Variants in GTF2H1 observed in about 807,000 individuals in gnomAD.
GTF2H1 encodes the protein general transcription factor IIH subunit 1.
In GTF2H1, 16 loss-of-function variants were observed where a neutral mutation model predicts 71.2. The observed-to-expected ratio is 0.22, with a 90% CI of 0.15 to 0.34. The LOEUF (loss-of-function observed/expected upper bound fraction) is 0.34, where lower values mean the gene tolerates loss of function less well. GTF2H1 is among the 10% of genes least tolerant of loss of function. GTF2H1 has a pLI of 1.00. For missense variants in GTF2H1, 498 were observed against 648.2 expected (o/e 0.77, Z 2.52); for synonymous variants, 215 against 219.0 (o/e 0.98, Z 0.16).
At chr11:18,359,886 C>T (rs1865655996) in intron 13 of GTF2H1, among the ~76,000 whole-genome samples, 1 of 151,196 alleles carries the variant, frequency 6.6e-6, no homozygotes. Context: ...CTTTGGGAGG[C>T]CAAGGCAGGC....
intron 14 of GTF2H1, among the ~76,000 whole-genome samples, chr11:18,361,087 G>A (rs543368301): frequency 6.6e-6 from 1 of 152,210 alleles, no homozygotes; most frequent in Non-Finnish European, 1.5e-5. Flanking sequence ...ACAGGCATGA[G>A]CCACTGCACC....
chr11:18,365,758 T>C, intron 14 of GTF2H1, 25 bp from the exon 15 acceptor site: 3 of 1,549,252 alleles, frequency 1.9e-6, no homozygotes, highest in Admixed American at 1.7e-5. Context: ...TGCCCAGTTG[T>C]TAAGTGTCTT....
chr11:18,366,012 GC>G lies in GTF2H1; in HGVS notation c.*144del, dbSNP rs766221504. 4 of 626,580 alleles carry G rather than the reference GC, an allele frequency of 6.4e-6. No homozygotes were observed. The highest frequency in any genetic ancestry group is 1.1e-5 in the Non-Finnish European group (4 of 350,460). The allele number at this position is 626,580 out of a possible 1,614,324, so 38.8% of individuals were successfully genotyped here. Reference sequence around the variant, plus strand: ...CTCCACGCCAACTCCCAGAGCTGATGCTATTGTACTTGCACATTGGAGACTG... The same window carrying G: ...CTCCACGCCAACTCCCAGAGCTGATGTATTGTACTTGCACATTGGAGACTG... On this transcript the variant is annotated 3_prime_UTR_variant, in exon 15 of 15. Coordinates refer to ENST00000265963, the MANE Select transcript of GTF2H1 (RefSeq NM_005316.4).
chr11:18,332,354 A>G (rs4150556), intron 1 of GTF2H1, among the ~76,000 whole-genome samples: 1,743 of 152,340 alleles, frequency 0.011, 19 homozygotes, highest in Middle Eastern at 0.037. Flanking sequence ...CACTGAGTCC[A>G]GACAGCCACA....
chr11:18,365,092 A>T (rs999438816), intron 14 of GTF2H1, among the ~76,000 whole-genome samples: 1 of 150,202 alleles, frequency 6.7e-6, no homozygotes, highest in Admixed American at 6.7e-5. Flanking sequence ...AAAAAAAAAA[A>T]CCTGGCCGGG....
chr11:18,365,078 G>GA (rs397849386), intron 14 of GTF2H1, among the ~76,000 whole-genome samples: 65 of 140,820 alleles, frequency 4.6e-4, no homozygotes, highest in Middle Eastern at 3.5e-3. Context: ...ATTTAAAAAA[G>GA]AAAAAAAAAA....
chr11:18,341,147 G>A, intron 5 of GTF2H1, 114 bp from the exon 6 acceptor site: 1 of 710,338 alleles, frequency 1.4e-6, no homozygotes, highest in Non-Finnish European at 2.4e-6. Context: ...CTTATAGTAT[G>A]TAGAGTTGAG....
At chr11:18,362,057 GT>G (rs1276369900) in intron 14 of GTF2H1, among the ~76,000 whole-genome samples, 1 of 152,222 alleles carries the variant, frequency 6.6e-6, no homozygotes, top group East Asian at 1.9e-4. Flanking sequence ...TTGACAGACA[GT>G]TTTGTTGTAT....
At chr11:18,361,079 A>C (rs961906088) in intron 14 of GTF2H1, among the ~76,000 whole-genome samples, 1 of 152,268 alleles carries the variant, frequency 6.6e-6, no homozygotes, top group South Asian at 2.1e-4. Context: ...CTAGGATTAC[A>C]GGCATGAGCC....
intron 5 of GTF2H1, among the ~76,000 whole-genome samples, chr11:18,340,123 T>G (rs1472121856): frequency 6.6e-6 from 1 of 152,094 alleles, no homozygotes. Context: ...GGAATCTCTC[T>G]CTCAGGACTC....
intron 1 of GTF2H1, among the ~76,000 whole-genome samples, chr11:18,326,963 T>G (rs550199706): frequency 6.6e-6 from 1 of 152,098 alleles, no homozygotes; most frequent in South Asian, 2.1e-4. Context: ...CAACCTCAAG[T>G]GATCCACCTG....
chr11:18,351,269 C>T (rs1865415341), intron 9 of GTF2H1, among the ~76,000 whole-genome samples: 2 of 143,688 alleles, frequency 1.4e-5, no homozygotes, highest in South Asian at 4.4e-4. Context: ...AAGCAAAAAG[C>T]GGGCAAAGAG....
At chr11:18,354,579 G>A (rs576089453) in intron 11 of GTF2H1, among the ~76,000 whole-genome samples, 3 of 152,096 alleles carry the variant, frequency 2.0e-5, no homozygotes, top group African/African-American at 7.2e-5. Context: ...TTATAGGCAT[G>A]TGTCACCACA....
At chr11:18,349,337 T>G (rs1477135655) in intron 9 of GTF2H1, among the ~76,000 whole-genome samples, 5 of 152,238 alleles carry the variant, frequency 3.3e-5, no homozygotes, top group Non-Finnish European at 7.3e-5. Flanking sequence ...TGATACTTTC[T>G]TTGTATACTG....
At chr11:18,341,070 A>G (rs989470131) in intron 5 of GTF2H1, among the ~76,000 whole-genome samples, 191 bp from the exon 6 acceptor site, 4 of 152,212 alleles carry the variant, frequency 2.6e-5, no homozygotes, top group Non-Finnish European at 4.4e-5. Context: ...GTAATTTGTA[A>G]GATTTATAGA....
chr11:18,340,526 G>C (rs1865132340), intron 5 of GTF2H1, among the ~76,000 whole-genome samples: 1 of 152,134 alleles, frequency 6.6e-6, no homozygotes, highest in South Asian at 2.1e-4. Flanking sequence ...GACCTCAAGT[G>C]ATCTGCCCGC....
intron 13 of GTF2H1, 134 bp from the exon 14 acceptor site, chr11:18,360,481 G>C: frequency 1.9e-6 from 1 of 531,738 alleles, no homozygotes; most frequent in South Asian, 2.7e-5. Flanking sequence ...GATATAATTG[G>C]TATATTTTTA....
At chr11:18,365,452 G>C (rs1297960243) in intron 14 of GTF2H1, among the ~76,000 whole-genome samples, 1 of 152,112 alleles carries the variant, frequency 6.6e-6, no homozygotes, top group Non-Finnish European at 1.5e-5. Context: ...TTCAAATCTA[G>C]AAAATCACAG....
rs533182092 is a variant in GTF2H1, at chr11:18,329,428, A to G, written c.-15-3632A>G. Among the ~76,000 whole-genome samples the G allele has an allele frequency of 2.0e-5, 3 of 152,352 alleles. No homozygotes were observed. In the South Asian group the frequency reaches 6.2e-4, roughly 32 times the overall value. ...AGAAATGGGGTATGGGCAAGCAACC[A>G]TGACGCTTCCTTCAGCACTTTAACA... On this transcript the variant is annotated intron_variant, in intron 1 of 14. Coordinates refer to ENST00000265963, the MANE Select transcript of GTF2H1 (RefSeq NM_005316.4).
Sources: allele counts gnomAD v4.1 joint callset (sites outside exome capture counted in the v4.1 genomes callset), GRCh38; gene constraint gnomAD v4.1.1; transcripts MANE v1.5; gene names NCBI Gene and HGNC (gene_info 2026-07-23, HGNC 2026-07-21).